Variants in CUL1 observed in about 807,000 individuals in gnomAD.
CUL1 encodes the protein cullin-1.
Under a neutral mutation model 118.0 loss-of-function variants are expected in CUL1, and 24 were observed. The ratio of observed to expected loss-of-function variants is 0.20; its 90% CI spans 0.15 to 0.29. CUL1 has a LOEUF of 0.29. Ranked by LOEUF, CUL1 falls within the 10% of genes least tolerant of loss-of-function variation. CUL1 has a pLI of 1.00. For synonymous variants in CUL1, 332 were observed against 340.4 expected, an observed-to-expected ratio of 0.98 and a Z score of 0.27; for missense variants, 361 against 933.8, an observed-to-expected ratio of 0.39 and a Z score of 7.99.
chr7:148,729,465 G>T (rs1798686221), intron 1 of CUL1, among the ~76,000 whole-genome samples: 1 of 152,076 alleles, frequency 6.6e-6, no homozygotes, highest in South Asian at 2.1e-4. Flanking sequence ...TCCTTAAAAA[G>T]GGAGTGCCTA....
At chr7:148,730,315 G>A (rs1478801398) in intron 2 of CUL1, 53 bp downstream of exon 2, 14 of 1,528,532 alleles carry the variant, frequency 9.2e-6, no homozygotes, top group Non-Finnish European at 1.2e-5. Context: ...TTATTTACTA[G>A]TATGACTTAT....
At chr7:148,762,480 A>G (rs915477134) in intron 7 of CUL1, among the ~76,000 whole-genome samples, 10 of 152,158 alleles carry the variant, frequency 6.6e-5, no homozygotes, top group Non-Finnish European at 1.2e-4. Flanking sequence ...TCCTATGCCA[A>G]TCTGGAACCT....
chr7:148,741,183 T>C (rs1372202467), intron 2 of CUL1, among the ~76,000 whole-genome samples: 1 of 151,830 alleles, frequency 6.6e-6, no homozygotes, highest in East Asian at 1.9e-4. Flanking sequence ...TTTCCAACTT[T>C]TTACTATTAC....
intron 9 of CUL1, among the ~76,000 whole-genome samples, chr7:148,782,153 A>G: frequency 6.6e-6 from 1 of 152,258 alleles, no homozygotes; most frequent in Non-Finnish European, 1.5e-5. Context: ...GTTCTGGAAT[A>G]ATTTGACATG....
intron 21 of CUL1, among the ~76,000 whole-genome samples, chr7:148,799,834 G>A (rs180779553): frequency 1.3e-4 from 20 of 152,340 alleles, no homozygotes; most frequent in African/African-American, 4.6e-4. Context: ...GTCGCATTGC[G>A]GTATCGAGAA....
intron 2 of CUL1, among the ~76,000 whole-genome samples, chr7:148,739,171 C>T (rs1486642250): frequency 6.6e-6 from 1 of 152,178 alleles, no homozygotes; most frequent in East Asian, 1.9e-4. Context: ...CCCAATAGCG[C>T]TTTTTCCTCA....
At chr7:148,788,508 T>G (rs1168606834) in intron 13 of CUL1, 49 bp from the exon 14 acceptor site, 6 of 1,170,286 alleles carry the variant, frequency 5.1e-6, no homozygotes, top group Non-Finnish European at 7.7e-6. Context: ...CTTGTATACA[T>G]TTGTATTTTT....
intron 2 of CUL1, among the ~76,000 whole-genome samples, chr7:148,753,459 G>A (rs1012694185): frequency 6.9e-6 from 1 of 145,898 alleles, no homozygotes; most frequent in Non-Finnish European, 1.5e-5. Context: ...CACTGCTGCC[G>A]TTCACTGATA....
At chr7:148,710,071 AG>A (rs1300807108) in intron 1 of CUL1, among the ~76,000 whole-genome samples, 1 of 152,132 alleles carries the variant, frequency 6.6e-6, no homozygotes, top group Non-Finnish European at 1.5e-5. Context: ...TGAGTGACAG[AG>A]TGAAACCCTG....
chr7:148,718,935 G>A (rs1322810990), intron 1 of CUL1, among the ~76,000 whole-genome samples: 1 of 152,160 alleles, frequency 6.6e-6, no homozygotes, highest in African/African-American at 2.4e-5. Flanking sequence ...CTTAATTTGA[G>A]TATGTGTTTA....
At chr7:148,765,600 C>G (rs1424466521) in intron 7 of CUL1, among the ~76,000 whole-genome samples, 3 of 152,094 alleles carry the variant, frequency 2.0e-5, no homozygotes, top group African/African-American at 4.8e-5. Flanking sequence ...CACTGCACTT[C>G]AGCCTGGGAG....
At chr7:148,783,025 C>T (rs1216394957) in intron 9 of CUL1, among the ~76,000 whole-genome samples, 4 of 152,196 alleles carry the variant, frequency 2.6e-5, no homozygotes. Context: ...ACCTGCTGCC[C>T]AGTGTGGGCT....
chr7:148,749,214 C>G (rs1260190217), intron 2 of CUL1, among the ~76,000 whole-genome samples: 1 of 151,882 alleles, frequency 6.6e-6, no homozygotes, highest in Non-Finnish European at 1.5e-5. Context: ...GTCAGGAGTT[C>G]GAGACCAGCC....
At chr7:148,726,141 G>A (rs569510775) in intron 1 of CUL1, among the ~76,000 whole-genome samples, 106 of 152,098 alleles carry the variant, frequency 7.0e-4, no homozygotes, top group Non-Finnish European at 1.4e-3. Context: ...TTAACAGTAC[G>A]TTTTAATAGA....
chr7:148,767,655 A>T lies in CUL1; in HGVS notation c.989A>T (p.Gln330Leu), dbSNP rs760633181. 15 of 1,614,008 alleles carry T rather than the reference A, an allele frequency of 9.3e-6. No individual in the cohort carries two copies. The Admixed American group carries it at 2.5e-4, about 27-fold the overall frequency. Reference protein sequence around the residue: ...GRMYNLVSRIQDGLGELKKLL... With the variant: ...GRMYNLVSRILDGLGELKKLL... ...ATGTATAATCTTGTATCTAGAATCC[A>T]GGATGGCCTAGGAGAATTGAAAAAA... The change falls in exon 9 of 22, where the codon CAG becomes CTG. Residue 330 changes from glutamine (Q) to leucine (L), a missense_variant. Physicochemically the swap from Gln to Leu is moderately radical, Grantham distance 113. This residue lies in a region of CUL1 where 169 missense variants were observed against 429.7 expected (regional missense o/e 0.39). Transcript: ENST00000325222.
At chr7:148,725,746 T>C (rs1458991198) in intron 1 of CUL1, among the ~76,000 whole-genome samples, 1 of 152,216 alleles carries the variant, frequency 6.6e-6, no homozygotes, top group Non-Finnish European at 1.5e-5. Context: ...AACATTTCCT[T>C]GTAGACGTTG....
intron 7 of CUL1, among the ~76,000 whole-genome samples, chr7:148,764,828 G>A (rs975015962): frequency 3.9e-5 from 6 of 152,150 alleles, no homozygotes; most frequent in African/African-American, 1.4e-4. Context: ...AAACCTACAA[G>A]CCTGGGGCAC....
chr7:148,784,157 A>T, intron 11 of CUL1, 80 bp downstream of exon 11: 1 of 1,092,644 alleles, frequency 9.2e-7, no homozygotes, highest in South Asian at 1.3e-5. Context: ...CCTACATTAC[A>T]TTTTACATAC....
At position 148,800,604 on chromosome 7, in the gene CUL1, G is replaced by A. The variant is rs377558212; in HGVS notation, c.*22G>A. The A allele has an allele frequency of 3.2e-5, 50 of 1,558,766 alleles. No individual in the cohort carries two copies. In the African/African-American group the frequency reaches 5.0e-4, roughly 16 times the overall value. On this transcript the variant is annotated 3_prime_UTR_variant, in exon 22 of 22. Transcript: ENST00000325222. This position sits in a 1 kb window ranked among gnomAD's most constrained non-coding sequence, Gnocchi z 4.6. ...TTAACCCTTCTGGAAGGGTCTGACT[G>A]TGTGACCCGCAGCAAATAGTTCATG...
Sources: gnomAD v4.1 joint callset for allele counts (sites outside exome capture counted in the v4.1 genomes callset) on GRCh38, gnomAD v4.1.1 for gene constraint, gnomAD v4.1.1 regional missense constraint, Gnocchi (gnomAD v3.1) non-coding constraint, MANE v1.5 for transcripts, NCBI Gene and HGNC (gene_info 2026-07-23, HGNC 2026-07-21) for gene names.